SPG11: variants seen among roughly 807,000 people sequenced by gnomAD.
SPG11 encodes spatacsin.
Under a neutral mutation model 274.0 loss-of-function variants are expected in SPG11, and 222 were observed. That is an observed-to-expected ratio of 0.81 (90% CI 0.73 to 0.91). SPG11 has a LOEUF of 0.91. Ranked by LOEUF, SPG11 falls within the 40% of genes least tolerant of loss-of-function variation. SPG11 has a pLI of 0.00. For missense variants in SPG11, 3,114 were observed against 2,872.7 expected (o/e 1.08, Z -1.92); for synonymous variants, 1,144 against 1,039.7 (o/e 1.10, Z -1.93).
chr15:44,633,773 C>T (rs547412468), intron 7 of SPG11, 136 bp from the exon 8 acceptor site: 42 of 817,194 alleles, frequency 5.1e-5, no homozygotes, highest in Middle Eastern at 6.8e-4. Flanking sequence ...AGTACATGGG[C>T]TCCAGTGAGG....
chr15:44,617,719 A>G (rs2083624956), intron 15 of SPG11, among the ~76,000 whole-genome samples: 1 of 152,144 alleles, frequency 6.6e-6, no homozygotes, highest in Admixed American at 6.6e-5. Context: ...TCTGTCTCCC[A>G]GGCTGGAGTT....
chr15:44,585,859 A>C lies in SPG11; in HGVS notation c.4907-9T>G. ...CTTTTTCACATCTGGACCTGTGCCA[A>C]AGAGAAAAGGATATAAACATTTAGT... is the stretch of plus-strand genomic sequence containing the variant. On this transcript the variant is annotated splice_polypyrimidine_tract_variant and intron_variant, in intron 28 of 39. Coordinates refer to ENST00000261866, the MANE Select transcript of SPG11 (RefSeq NM_025137.4). 1.9e-6 allele frequency: 3 copies of C among 1,613,162 alleles called. No homozygotes were observed. The highest frequency in any genetic ancestry group is 3.3e-4 in the Middle Eastern group (2 of 6,056).
In SPG11 at chr15:44,615,307, A is replaced by G. The variant is rs144701233; in HGVS notation, c.3038+56T>C. 2,917 of 1,521,946 alleles carry G rather than the reference A, an allele frequency of 1.9e-3. 2 individuals carry two copies. Among genetic ancestry groups the G allele is most frequent in the Non-Finnish European group, 2.4e-3 (2,621 of 1,099,556 alleles). 94.3% of individuals were successfully genotyped at this position (1,521,946 alleles called of 1,614,324 possible). ...CCTAAAAGTCACATTCAGGAGTCAT[A>G]TGCAAAGAGAAAATGTGAAGACCTG... On this transcript the variant is annotated intron_variant, in intron 16 of 39. Coordinates refer to ENST00000261866, the MANE Select transcript of SPG11 (RefSeq NM_025137.4).
At chr15:44,597,631 C>A (rs1786489167) in intron 23 of SPG11, among the ~76,000 whole-genome samples, 3 of 152,138 alleles carry the variant, frequency 2.0e-5, no homozygotes, top group Non-Finnish European at 4.4e-5. Flanking sequence ...GTGCCTGGGC[C>A]TCCTCACCAG....
rs1219883206 is a variant in SPG11, at chr15:44,575,054, A to G, written c.5867-13T>C. The G allele has an allele frequency of 1.9e-6, 3 of 1,613,544 alleles. No homozygotes were observed. Among genetic ancestry groups the G allele is most frequent in the Admixed American group, 3.3e-5 (2 of 59,988 alleles). ...TCCAGACTTGAAGCTGGAAGCAAAT[A>G]CAAGTCTGAGGGGCTCTAAGCTGGG... On this transcript the variant is annotated splice_polypyrimidine_tract_variant and intron_variant, in intron 30 of 39. Transcript: ENST00000261866.
intron 11 of SPG11, 66 bp from the exon 12 acceptor site, chr15:44,622,865 T>C (rs1020145637): frequency 8.7e-6 from 10 of 1,152,922 alleles, no homozygotes; most frequent in African/African-American, 4.5e-5. Context: ...AACATAAATA[T>C]GTGTTAGATA....
intron 29 of SPG11, among the ~76,000 whole-genome samples, chr15:44,585,226 A>G (rs1219698018): frequency 6.6e-6 from 1 of 152,068 alleles, no homozygotes; most frequent in Non-Finnish European, 1.5e-5. Context: ...CTTATCTCCT[A>G]TAAATTATAC....
At chr15:44,653,841 C>A (rs964578697) in intron 4 of SPG11, among the ~76,000 whole-genome samples, 58 of 152,248 alleles carry the variant, frequency 3.8e-4, no homozygotes, top group African/African-American at 1.4e-3. Flanking sequence ...TTGAATATCA[C>A]AGGTTTGAAC....
intron 30 of SPG11, among the ~76,000 whole-genome samples, chr15:44,578,726 T>C (rs538672594): frequency 6.6e-6 from 1 of 152,194 alleles, no homozygotes; most frequent in East Asian, 1.9e-4. Context: ...AAAACCACAA[T>C]GCACAGGCAG....
At chr15:44,592,142 C>T (rs571973575) in intron 27 of SPG11, among the ~76,000 whole-genome samples, 189 bp downstream of exon 27, 11 of 151,714 alleles carry the variant, frequency 7.3e-5, no homozygotes, top group Non-Finnish European at 1.6e-4. Context: ...AAAAATTAGC[C>T]ACGCTACTTG....
rs1173924778 is a variant in SPG11, at chr15:44,613,486, G to A, written c.3089C>T (p.Ala1030Val). The A allele has an allele frequency of 1.2e-6, 2 of 1,613,976 alleles. No homozygotes were observed. The highest frequency in any genetic ancestry group is 2.2e-5 in the East Asian group (1 of 44,850). Residue 1030 changes from alanine to valine, a missense_variant, in exon 17 of 40, where the codon GCA (alanine) becomes GTA (valine). Transcript: ENST00000261866. ...AACTAAAAATTCAAACCAAGGGTGT[G>A]CTTCATGTAACTCTTTTTTTTCCAA... ...PFLEKKELHE[A>V]HPWFEFLVQC...
chr15:44,598,352 G>C lies in SPG11; in HGVS notation c.3914C>G (p.Ala1305Gly), dbSNP rs746116309. ...TTCTGTGGTTGTCTTTTCACCATCA[G>C]CTAGTTTAGATAGTTTTTCGGCTGT... is the stretch of plus-strand genomic sequence containing the variant. ...ESVAEKLSKL[A>G]DGEKTTTEEL... Residue 1305 changes from alanine (A) to glycine (G), a missense_variant, in exon 23 of 40, where the codon GCT becomes GGT. Transcript: ENST00000261866. 4 of 1,613,932 alleles carry C rather than the reference G, an allele frequency of 2.5e-6. No homozygotes were observed. The highest frequency in any genetic ancestry group is 3.4e-6 in the Non-Finnish European group (4 of 1,179,872).
chr15:44,606,712 CA>C (rs2083329294), intron 19 of SPG11, among the ~76,000 whole-genome samples: 1 of 152,074 alleles, frequency 6.6e-6, no homozygotes, highest in South Asian at 2.1e-4. Flanking sequence ...CAAAAAAAGT[CA>C]GGATTTGGAT....
At chr15:44,570,492 AG>A (rs751684367) in intron 34 of SPG11, 32 bp downstream of exon 34, 17 of 1,613,870 alleles carry the variant, frequency 1.1e-5, no homozygotes, top group Non-Finnish European at 1.4e-5. Flanking sequence ...AGGTTTCCAC[AG>A]GATGGAGACT....
chr15:44,593,081 TACTC>T (rs1490343818), intron 26 of SPG11, among the ~76,000 whole-genome samples: 2 of 152,208 alleles, frequency 1.3e-5, no homozygotes, highest in East Asian at 1.9e-4. Context: ...GGAAAAATGA[TACTC>T]AGTCCAGTTA....
At position 44,625,322 on chromosome 15, in the gene SPG11, T is replaced by TG. The variant is rs1246058543; in HGVS notation, c.2244+1008dup. Reference sequence around the variant, plus strand: ...AGTAGCTAGGACTACAGGTGTGCTATGGTTTGGATCTGTGCCCCTGCCCAA... The same window carrying TG: ...AGTAGCTAGGACTACAGGTGTGCTATGGGTTTGGATCTGTGCCCCTGCCCAA... On this transcript the variant is annotated intron_variant, in intron 11 of 39. Transcript: ENST00000261866. 7.9e-5 allele frequency among the ~76,000 whole-genome samples: 12 copies of TG among 152,184 alleles called. No homozygotes were observed. The East Asian group carries it at 2.3e-3, about 29-fold the overall frequency.
At chr15:44,595,077 A>G (rs2083000047) in intron 26 of SPG11, among the ~76,000 whole-genome samples, 182 bp downstream of exon 26, 2 of 152,168 alleles carry the variant, frequency 1.3e-5, no homozygotes, top group Admixed American at 1.3e-4. Flanking sequence ...TCAGCCTCCC[A>G]AAGTGCTGGG....
chr15:44,565,992 C>G lies in SPG11; in HGVS notation c.6861G>C (p.Gln2287His). Residue 2287 changes from glutamine (Q) to histidine (H), a missense_variant, in exon 38 of 40, where the codon CAG (glutamine) becomes CAC (histidine). Coordinates refer to ENST00000261866, the MANE Select transcript of SPG11 (RefSeq NM_025137.4). The part of the protein sequence containing the change: ...ESYAKDSCVR[Q>H]AQHCQRLTKL... ...TGGTGAGCCGCTGACAGTGCTGGGC[C>G]TGTCGCACACAGGAGTCCTGAGGAA... The G allele has an allele frequency of 6.2e-7, 1 of 1,613,806 alleles. No individual in the cohort carries two copies. Among genetic ancestry groups the G allele is most frequent in the Non-Finnish European group, 8.5e-7 (1 of 1,180,024 alleles).
Position 44,584,237 on chromosome 15 carries a change from G to T in SPG11, c.5443C>A (p.Gln1815Lys), listed in dbSNP as rs146098780. ...RITQHTLGRNQEETEPRFSRQ... is the reference protein window; with the variant it reads ...RITQHTLGRNKEETEPRFSRQ... ...GAAAATCTGGGCTCTGTTTCCTCCT[G>T]ATTTCTTCCAAGAGTGTGCTGGGTG... Residue 1815 changes from glutamine (Q) to lysine (K), a missense_variant, in exon 30 of 40, where the codon CAG (glutamine) becomes AAG (lysine). By Grantham distance (53) the Gln-to-Lys change is moderately conservative. Coordinates refer to ENST00000261866, the MANE Select transcript of SPG11 (RefSeq NM_025137.4). The T allele has an allele frequency of 6.2e-7, 1 of 1,614,180 alleles. No individual in the cohort carries two copies.
Sources: allele counts gnomAD v4.1 joint callset (sites outside exome capture counted in the v4.1 genomes callset), GRCh38; gene constraint gnomAD v4.1.1; transcripts MANE v1.5; gene names NCBI Gene and HGNC (gene_info 2026-07-23, HGNC 2026-07-21).